The following MYO1E variants were observed in gnomAD, a reference collection of about 807,000 sequenced individuals.
MYO1E encodes the protein myosin IE, also known as unconventional myosin-Ie.
Under a neutral mutation model 151.1 loss-of-function variants are expected in MYO1E, and 68 were observed. That is an observed-to-expected ratio of 0.45 (90% CI 0.37 to 0.55). MYO1E has a LOEUF of 0.55. Among genes scored for constraint, MYO1E ranks in the 20% least tolerant of loss-of-function variants. MYO1E has a pLI of 0.00. For missense variants in MYO1E, 1,363 were observed against 1,389.3 expected, an observed-to-expected ratio of 0.98 and a Z score of 0.30; for synonymous variants, 601 against 501.7, an observed-to-expected ratio of 1.20 and a Z score of -2.64.
chr15:59,216,171 C>T (rs114507930), intron 10 of MYO1E, among the ~76,000 whole-genome samples: 1 of 151,998 alleles, frequency 6.6e-6, no homozygotes, highest in Non-Finnish European at 1.5e-5. Context: ...CACTGTTGTC[C>T]CTTGACTAGG....
At chr15:59,141,022 G>A (rs1376820627) in intron 26 of MYO1E, among the ~76,000 whole-genome samples, 1 of 152,190 alleles carries the variant, frequency 6.6e-6, no homozygotes, top group African/African-American at 2.4e-5. Context: ...TCTGAAAGTT[G>A]GCCAGGCGAG....
intron 7 of MYO1E, 130 bp downstream of exon 7, chr15:59,227,329 T>G (rs1281080585): frequency 1.8e-6 from 2 of 1,113,664 alleles, no homozygotes; most frequent in East Asian, 2.5e-5. Context: ...ATTCTGCACA[T>G]TGACTTGTAC....
chr15:59,251,007 C>T (rs12909956), intron 4 of MYO1E, among the ~76,000 whole-genome samples: 65,992 of 152,014 alleles, frequency 0.43, 17,920 homozygotes, highest in Non-Finnish European at 0.62. Flanking sequence ...CCATCCCACT[C>T]GTTTTGGCAC....
intron 5 of MYO1E, among the ~76,000 whole-genome samples, chr15:59,235,697 A>G (rs1290220012): frequency 6.6e-6 from 1 of 152,252 alleles, no homozygotes; most frequent in Non-Finnish European, 1.5e-5. Context: ...TCTTTTCAGC[A>G]GAACTGCTGA....
chr15:59,138,447 C>A, intron 26 of MYO1E, 80 bp from the exon 27 acceptor site: 2 of 1,474,844 alleles, frequency 1.4e-6, no homozygotes, highest in South Asian at 1.1e-5. Context: ...GCATGGCGGC[C>A]GGCACTGGCC....
intron 8 of MYO1E, among the ~76,000 whole-genome samples, chr15:59,224,082 G>C (rs1398946348): frequency 1.3e-5 from 2 of 152,214 alleles, no homozygotes; most frequent in Non-Finnish European, 2.9e-5. Flanking sequence ...TGGCAATGAA[G>C]GCCTTTGAGG....
chr15:59,200,084 T>C (rs552015830), intron 16 of MYO1E, among the ~76,000 whole-genome samples: 1 of 152,308 alleles, frequency 6.6e-6, no homozygotes, highest in East Asian at 1.9e-4. Context: ...CCCACAATGG[T>C]GGCACTTTGA....
intron 1 of MYO1E, among the ~76,000 whole-genome samples, chr15:59,341,938 C>A (rs2080768024): frequency 6.6e-6 from 1 of 152,190 alleles, no homozygotes; most frequent in African/African-American, 2.4e-5. Context: ...TTTTAAGGAA[C>A]CGCCCTTCTG....
intron 9 of MYO1E, among the ~76,000 whole-genome samples, chr15:59,222,060 T>A (rs988453465): frequency 2.6e-5 from 4 of 152,254 alleles, no homozygotes; most frequent in African/African-American, 7.2e-5. Flanking sequence ...TGTATATTTA[T>A]TGTTTTCTAC....
chr15:59,136,503 A>ATCTT lies in MYO1E; in HGVS notation c.*873_*876dup, dbSNP rs1405314481. 3.5e-5 allele frequency: 11 copies of ATCTT among 309,968 alleles called. No individual in the cohort carries two copies. Among genetic ancestry groups the ATCTT allele is most frequent in the African/African-American group, 2.4e-4 (11 of 46,270 alleles). The allele number at this position is 309,968 out of a possible 1,614,324, so 19.2% of individuals were successfully genotyped here. On this transcript the variant is annotated 3_prime_UTR_variant, in exon 28 of 28. Coordinates refer to ENST00000288235, the MANE Select transcript of MYO1E (RefSeq NM_004998.4). Reference sequence around the variant, plus strand: ...CCGTAGTTGGAAAAAAGCAGAGCACATCTTTAAGTACCTGGTGTGAGTTTT... The same window carrying ATCTT: ...CCGTAGTTGGAAAAAAGCAGAGCACATCTTTCTTTAAGTACCTGGTGTGAGTTTT...
At chr15:59,237,290 T>A (rs1231848416) in intron 4 of MYO1E, among the ~76,000 whole-genome samples, 1 of 152,214 alleles carries the variant, frequency 6.6e-6, no homozygotes, top group African/African-American at 2.4e-5. Flanking sequence ...GTGCCTTGAA[T>A]TGATGCAAGC....
intron 6 of MYO1E, 113 bp from the exon 7 acceptor site, chr15:59,227,703 C>T: frequency 2.9e-6 from 4 of 1,379,962 alleles, no homozygotes; most frequent in Non-Finnish European, 4.1e-6. Context: ...AATACACATT[C>T]TGAATTACTC....
At chr15:59,324,094 G>C (rs1389915937) in intron 1 of MYO1E, among the ~76,000 whole-genome samples, 1 of 152,106 alleles carries the variant, frequency 6.6e-6, no homozygotes. Flanking sequence ...ACCCACTTTG[G>C]CCACAAATCA....
intron 8 of MYO1E, 124 bp from the exon 9 acceptor site, chr15:59,223,315 GAA>G (rs10711975): frequency 0.12 from 90,984 of 749,890 alleles, 2 homozygotes; most frequent in Middle Eastern, 0.16. Context: ...GAGTTACAAA[GAA>G]AAAAAAAAAA....
intron 21 of MYO1E, 58 bp downstream of exon 21, chr15:59,173,688 T>G: frequency 6.3e-7 from 1 of 1,593,660 alleles, no homozygotes; most frequent in Non-Finnish European, 8.6e-7. Context: ...AAATAACAAG[T>G]TATTAAAAAA....
intron 1 of MYO1E, among the ~76,000 whole-genome samples, chr15:59,356,618 C>T (rs544808417): frequency 1.3e-5 from 2 of 152,222 alleles, no homozygotes; most frequent in South Asian, 4.1e-4. Flanking sequence ...TGTTGTTTTT[C>T]CTGAAACAGG....
intron 26 of MYO1E, among the ~76,000 whole-genome samples, chr15:59,151,791 T>G (rs534334074): frequency 1.3e-5 from 2 of 151,996 alleles, no homozygotes; most frequent in South Asian, 4.2e-4. Context: ...GCTCACATCT[T>G]AATTCCAGCA....
At chr15:59,230,782 G>C (rs560622585) in intron 6 of MYO1E, among the ~76,000 whole-genome samples, 35 of 152,324 alleles carry the variant, frequency 2.3e-4, no homozygotes, top group African/African-American at 8.4e-4. Context: ...AAAATAGACA[G>C]TGGAAAAGAA....
chr15:59,245,749 A>G (rs1268499400), intron 4 of MYO1E, among the ~76,000 whole-genome samples: 1 of 152,202 alleles, frequency 6.6e-6, no homozygotes, highest in African/African-American at 2.4e-5. Context: ...CAGCAATAAA[A>G]CTGCCACATA....
Sources: allele counts gnomAD v4.1 joint callset (sites outside exome capture counted in the v4.1 genomes callset), GRCh38; gene constraint gnomAD v4.1.1; transcripts MANE v1.5; gene names NCBI Gene and HGNC (gene_info 2026-07-23, HGNC 2026-07-21).